COP1: variants seen among roughly 807,000 people sequenced by gnomAD.
COP1 encodes the protein COP1 E3 ubiquitin ligase, also known as E3 ubiquitin-protein ligase COP1.
In COP1, 24 loss-of-function variants were observed where a neutral mutation model predicts 101.3. The observed-to-expected ratio is 0.24, with a 90% CI of 0.17 to 0.33. COP1 has a LOEUF of 0.33. Ranked by LOEUF, COP1 falls within the 10% of genes least tolerant of loss-of-function variation. COP1 has a pLI of 1.00. For synonymous variants in COP1, 347 were observed against 341.9 expected (o/e 1.01, Z -0.17); for missense variants, 663 against 906.2 (o/e 0.73, Z 3.45).
At chr1:176,124,740 G>C (rs1180283111) in intron 8 of COP1, among the ~76,000 whole-genome samples, 1 of 152,148 alleles carries the variant, frequency 6.6e-6, no homozygotes, top group African/African-American at 2.4e-5. Context: ...TGGGAATGCA[G>C]ATAACTCTTT....
intron 18 of COP1, chr1:175,968,498 A>AT (rs750333946): frequency 5.2e-5 from 27 of 518,792 alleles, no homozygotes; most frequent in Admixed American, 4.8e-4. Context: ...GACAAAAGGC[A>AT]TTTTTTCATT....
At chr1:176,063,661 C>T (rs1675383808) in intron 11 of COP1, among the ~76,000 whole-genome samples, 1 of 152,072 alleles carries the variant, frequency 6.6e-6, no homozygotes, top group Non-Finnish European at 1.5e-5. Flanking sequence ...AGAAAAACAG[C>T]CCTGTTTCAA....
At chr1:176,086,274 G>A (rs1387608928) in intron 9 of COP1, among the ~76,000 whole-genome samples, 7 of 138,348 alleles carry the variant, frequency 5.1e-5, no homozygotes, top group Non-Finnish European at 1.1e-4. Flanking sequence ...CGCCCAGGCT[G>A]GAGTGCAGTG....
At chr1:176,089,299 T>TAACAACAAC (rs143549335) in intron 9 of COP1, among the ~76,000 whole-genome samples, 17,684 of 150,492 alleles carry the variant, frequency 0.12, 1,062 homozygotes, top group South Asian at 0.16. Flanking sequence ...TCTAAAACAA[T>TAACAACAAC]AACAACAACA....
chr1:176,142,000 G>C (rs1690772033), intron 6 of COP1, among the ~76,000 whole-genome samples: 1 of 151,978 alleles, frequency 6.6e-6, no homozygotes, highest in Non-Finnish European at 1.5e-5. Flanking sequence ...CAACGTGTTA[G>C]AATTACAGGC....
At chr1:176,063,226 AT>A (rs1292309229) in intron 11 of COP1, among the ~76,000 whole-genome samples, 2 of 149,954 alleles carry the variant, frequency 1.3e-5, no homozygotes, top group Non-Finnish European at 3.0e-5. Context: ...CGCCTGGCTA[AT>A]TTTTTTGTAT....
intron 9 of COP1, among the ~76,000 whole-genome samples, chr1:176,107,957 C>A (rs1392194555): frequency 6.6e-6 from 1 of 151,682 alleles, no homozygotes; most frequent in African/African-American, 2.4e-5. Context: ...AACTGAAGAA[C>A]TGTACCAATT....
chr1:176,065,704 A>ATTGT (rs1553248572), intron 11 of COP1, among the ~76,000 whole-genome samples: 3 of 114,464 alleles, frequency 2.6e-5, no homozygotes, highest in African/African-American at 6.4e-5. Context: ...GGGGATAATG[A>ATTGT]TTTTTTTTTT....
intron 10 of COP1, among the ~76,000 whole-genome samples, chr1:176,082,359 A>G (rs1267252553): frequency 6.6e-6 from 1 of 152,232 alleles, no homozygotes; most frequent in Non-Finnish European, 1.5e-5. Flanking sequence ...TATAGTAAGC[A>G]TAATAAAAGT....
At chr1:176,146,317 G>T (rs921694531) in intron 6 of COP1, among the ~76,000 whole-genome samples, 5 of 152,128 alleles carry the variant, frequency 3.3e-5, no homozygotes, top group African/African-American at 1.2e-4. Flanking sequence ...CTGTTAATAG[G>T]CAAGTTCTAA....
intron 11 of COP1, among the ~76,000 whole-genome samples, chr1:176,049,579 C>T (rs538668173): frequency 4.0e-5 from 6 of 151,844 alleles, no homozygotes; most frequent in Non-Finnish European, 7.4e-5. Context: ...AGGTCCCCCC[C>T]CTCAAACCAC....
intron 14 of COP1, among the ~76,000 whole-genome samples, chr1:176,032,342 A>G (rs1047890227): frequency 1.3e-5 from 2 of 152,232 alleles, no homozygotes; most frequent in South Asian, 4.1e-4. Context: ...AATACTGTTT[A>G]CCAAATATAA....
chr1:175,977,338 C>T (rs1230793137), intron 18 of COP1, among the ~76,000 whole-genome samples: 2 of 152,122 alleles, frequency 1.3e-5, no homozygotes. Flanking sequence ...TTTCATCCCA[C>T]TAATCTGCAT....
intron 9 of COP1, among the ~76,000 whole-genome samples, chr1:176,092,655 C>G (rs945787906): frequency 5.9e-5 from 9 of 152,128 alleles, no homozygotes; most frequent in African/African-American, 2.2e-4. Flanking sequence ...CAACTATGCT[C>G]TATTTATTAC....
At chr1:176,124,394 G>A (rs553946042) in intron 8 of COP1, among the ~76,000 whole-genome samples, 253 of 144,994 alleles carry the variant, frequency 1.7e-3, no homozygotes, top group Middle Eastern at 3.7e-3. Flanking sequence ...TCCATTAAAC[G>A]TTCCCACCTC....
At chr1:176,003,122 T>G (rs997427529) in intron 15 of COP1, among the ~76,000 whole-genome samples, 12 of 152,142 alleles carry the variant, frequency 7.9e-5, no homozygotes, top group Non-Finnish European at 1.6e-4. Flanking sequence ...GATGAGCATT[T>G]TTTCATGTGT....
intron 9 of COP1, among the ~76,000 whole-genome samples, chr1:176,102,185 T>C (rs1683531077): frequency 6.6e-6 from 1 of 152,118 alleles, no homozygotes; most frequent in Non-Finnish European, 1.5e-5. Flanking sequence ...CCCTGGGTGG[T>C]GACCTGGGAT....
chr1:176,190,384 C>A (rs1291847713), intron 1 of COP1, among the ~76,000 whole-genome samples: 1 of 151,906 alleles, frequency 6.6e-6, no homozygotes, highest in Non-Finnish European at 1.5e-5. Context: ...GAACTTTTAC[C>A]TCTTGTCACT....
chr1:176,003,590 C>A (rs1203529762), intron 15 of COP1, among the ~76,000 whole-genome samples: 2 of 151,684 alleles, frequency 1.3e-5, no homozygotes, highest in African/African-American at 4.8e-5. Flanking sequence ...TTTCCCAGCA[C>A]CATTTATTAA....
Sources: gnomAD v4.1 joint callset for allele counts (sites outside exome capture counted in the v4.1 genomes callset) on GRCh38, gnomAD v4.1.1 for gene constraint, MANE v1.5 for transcripts, NCBI Gene and HGNC (gene_info 2026-07-23, HGNC 2026-07-21) for gene names.